Variants in LRRC4C observed in about 807,000 individuals in gnomAD.
LRRC4C encodes leucine rich repeat containing 4C.
LRRC4C carries 5 observed loss-of-function variants against 33.6 expected under a neutral mutation model. The observed-to-expected ratio is 0.15, with a 90% CI of 0.08 to 0.31. LRRC4C has a LOEUF of 0.31. LRRC4C is among the 10% of genes least tolerant of loss of function. The pLI is 1.00. For synonymous variants in LRRC4C, 329 were observed against 302.0 expected (o/e 1.09, Z -0.93); for missense variants, 560 against 796.7 (o/e 0.70, Z 3.58).
intron 3 of LRRC4C, among the ~76,000 whole-genome samples, chr11:40,581,184 C>A (rs1206212044): frequency 6.6e-6 from 1 of 152,176 alleles, no homozygotes; most frequent in Non-Finnish European, 1.5e-5. Flanking sequence ...CAGAAAATTG[C>A]CCCATCGAAT....
chr11:41,453,529 A>C (rs959993565), intron 1 of LRRC4C, among the ~76,000 whole-genome samples: 3 of 152,064 alleles, frequency 2.0e-5, no homozygotes, highest in African/African-American at 7.2e-5. Flanking sequence ...ACATCCTACA[A>C]ATAAAAGAAA....
intron 2 of LRRC4C, among the ~76,000 whole-genome samples, chr11:40,686,737 A>G (rs1340627037): frequency 1.3e-5 from 2 of 152,118 alleles, no homozygotes; most frequent in African/African-American, 2.4e-5. Flanking sequence ...TAATTATATT[A>G]AGAGTTTGAG....
At chr11:41,185,768 T>G (rs1386650539) in intron 1 of LRRC4C, among the ~76,000 whole-genome samples, 1 of 152,112 alleles carries the variant, frequency 6.6e-6, no homozygotes, top group Non-Finnish European at 1.5e-5. Context: ...TAGAGGTAAA[T>G]ACTTTTAAAA....
chr11:40,984,702 T>C (rs1341814512), intron 1 of LRRC4C, among the ~76,000 whole-genome samples: 1 of 152,056 alleles, frequency 6.6e-6, no homozygotes, highest in Non-Finnish European at 1.5e-5. Flanking sequence ...GATGAAGAGC[T>C]ATGTCTGTAT....
chr11:40,451,578 G>T (rs1337735109), intron 3 of LRRC4C, among the ~76,000 whole-genome samples: 2 of 151,288 alleles, frequency 1.3e-5, no homozygotes, highest in Non-Finnish European at 1.5e-5. Flanking sequence ...TAGAGATGGG[G>T]GTTTCACTAT....
intron 1 of LRRC4C, among the ~76,000 whole-genome samples, chr11:41,201,779 G>A (rs1192989259): frequency 6.6e-6 from 1 of 152,056 alleles, no homozygotes; most frequent in Non-Finnish European, 1.5e-5. Flanking sequence ...TTGGAAAAAT[G>A]TTATTCAAAA....
chr11:40,170,563 T>A (rs1260254937), intron 5 of LRRC4C, among the ~76,000 whole-genome samples: 1 of 151,610 alleles, frequency 6.6e-6, no homozygotes, highest in East Asian at 1.9e-4. Context: ...TAAAAGAGAG[T>A]GAGATGGAGA....
At chr11:40,940,210 A>G (rs1276434893) in intron 1 of LRRC4C, among the ~76,000 whole-genome samples, 1 of 152,174 alleles carries the variant, frequency 6.6e-6, no homozygotes, top group African/African-American at 2.4e-5. Flanking sequence ...TACCTAACTA[A>G]TGGGCTTGTT....
chr11:40,327,117 C>T (rs58036425), intron 3 of LRRC4C, among the ~76,000 whole-genome samples: 15 of 152,240 alleles, frequency 9.9e-5, no homozygotes, highest in East Asian at 9.7e-4. Context: ...AGGTGGTCTA[C>T]GTTTGAGAGT....
chr11:41,397,696 T>G (rs1244651309), intron 1 of LRRC4C, among the ~76,000 whole-genome samples: 1 of 151,646 alleles, frequency 6.6e-6, no homozygotes, highest in Non-Finnish European at 1.5e-5. Context: ...AAAAAGATAT[T>G]TATCTAATTA....
chr11:41,163,768 C>T (rs571640705), intron 1 of LRRC4C, among the ~76,000 whole-genome samples: 1 of 152,034 alleles, frequency 6.6e-6, no homozygotes, highest in South Asian at 2.1e-4. Flanking sequence ...CCCACAAACA[C>T]TCCAAGCAAA....
At position 41,023,603 on chromosome 11, in the gene LRRC4C, AT is replaced by A. The variant is rs147924363; in HGVS notation, c.-495-89881del. Among the ~76,000 whole-genome samples the A allele has an allele frequency of 7.5e-3, 1,134 of 151,946 alleles. 14 individuals carry two copies. Among genetic ancestry groups the A allele is most frequent in the African/African-American group, 0.026 (1,090 of 41,532 alleles). On this transcript the variant is annotated intron_variant, in intron 1 of 6. Coordinates refer to ENST00000528697, the MANE Select transcript of LRRC4C (RefSeq NM_001258419.2). ...AGGCATAAGGAGCTTAGGAACAGTG[AT>A]AAGGTGGGAGAAGAGAGCCAGGAGA... is the stretch of plus-strand genomic sequence containing the variant.
At chr11:40,381,127 G>T (rs1462950463) in intron 3 of LRRC4C, among the ~76,000 whole-genome samples, 1 of 151,588 alleles carries the variant, frequency 6.6e-6, no homozygotes, top group Non-Finnish European at 1.5e-5. Context: ...CCACAAGCCT[G>T]AATGAATGGA....
intron 5 of LRRC4C, among the ~76,000 whole-genome samples, chr11:40,204,359 G>C (rs1452075026): frequency 6.6e-6 from 1 of 152,062 alleles, no homozygotes; most frequent in African/African-American, 2.4e-5. Flanking sequence ...CCTTAAGCAG[G>C]CTTCTTCCTG....
rs1958895380 is a variant in LRRC4C, at chr11:40,588,890, C to T, written c.-270+59252G>A. ...TTTACATTTGCTGAGGAGAGCTTTA[C>T]TTCCAAGTATGTGGTCAATTTTGGA... On this transcript the variant is annotated intron_variant, in intron 3 of 6. Coordinates refer to ENST00000528697, the MANE Select transcript of LRRC4C (RefSeq NM_001258419.2). 2.0e-5 allele frequency among the ~76,000 whole-genome samples: 3 copies of T among 152,126 alleles called. No homozygotes were observed. The East Asian group carries it at 5.8e-4, about 29-fold the overall frequency.
chr11:41,006,877 A>C (rs1312939133), intron 1 of LRRC4C, among the ~76,000 whole-genome samples: 1 of 152,150 alleles, frequency 6.6e-6, no homozygotes, highest in Non-Finnish European at 1.5e-5. Flanking sequence ...TTTTATATTT[A>C]TTCATAGATT....
chr11:41,223,780 C>T (rs1161260511), intron 1 of LRRC4C, among the ~76,000 whole-genome samples: 1 of 152,150 alleles, frequency 6.6e-6, no homozygotes, highest in African/African-American at 2.4e-5. Context: ...ATTGACTCTG[C>T]CAGAGAATGG....
intron 3 of LRRC4C, among the ~76,000 whole-genome samples, chr11:40,465,470 A>T (rs115313991): frequency 0.015 from 2,216 of 152,000 alleles, 46 homozygotes; most frequent in African/African-American, 0.05. Flanking sequence ...AAACTAAAAA[A>T]CCTTCTGCAG....
At chr11:41,410,637 T>G (rs1441171029) in intron 1 of LRRC4C, among the ~76,000 whole-genome samples, 1 of 152,024 alleles carries the variant, frequency 6.6e-6, no homozygotes, top group Non-Finnish European at 1.5e-5. Context: ...AGACGGTGTT[T>G]CACCGTGTTA....
Sources: allele counts gnomAD v4.1 joint callset (sites outside exome capture counted in the v4.1 genomes callset), GRCh38; gene constraint gnomAD v4.1.1; transcripts MANE v1.5; gene names NCBI Gene and HGNC (gene_info 2026-07-23, HGNC 2026-07-21).